ARK2N: variants seen among roughly 807,000 people sequenced by gnomAD.
ARK2N encodes the protein protein ARK2N.
At chr18:46,204,671 T>C in the ARK2N span, among the ~76,000 whole-genome samples, 2 of 152,212 alleles carry the variant, frequency 1.3e-5, no homozygotes, top group Non-Finnish European at 2.9e-5. Context: ...AATAAATAGA[T>C]GCAAGAATGC....
chr18:46,182,934 G>A, the ARK2N span, among the ~76,000 whole-genome samples: 1 of 151,960 alleles, frequency 6.6e-6, no homozygotes, highest in Admixed American at 6.6e-5. Context: ...TTTAAGTTCC[G>A]GGTAGGCCAA....
At chr18:46,192,047 A>G in the ARK2N span, among the ~76,000 whole-genome samples, 8 of 152,292 alleles carry the variant, frequency 5.3e-5, no homozygotes, top group South Asian at 8.3e-4. Flanking sequence ...CCATTCACCT[A>G]CTGAAGGATA....
chr18:46,249,014 T>TG, the ARK2N span, among the ~76,000 whole-genome samples: 1 of 152,204 alleles, frequency 6.6e-6, no homozygotes, highest in Non-Finnish European at 1.5e-5. Context: ...AGCTGTCCTT[T>TG]GCCAATGTCA....
chr18:46,228,935 C>T, the ARK2N span: 1 of 396,366 alleles, frequency 2.5e-6, no homozygotes, highest in Non-Finnish European at 4.4e-6. Context: ...AGGTGTTGAA[C>T]ACTAATAATT....
chr18:46,259,115 T>C, the ARK2N span, among the ~76,000 whole-genome samples: 1 of 152,206 alleles, frequency 6.6e-6, no homozygotes, highest in Non-Finnish European at 1.5e-5. Flanking sequence ...TAAATAATTT[T>C]TGTGAATATT....
the ARK2N span, among the ~76,000 whole-genome samples, chr18:46,258,383 A>T: frequency 6.6e-6 from 1 of 152,096 alleles, no homozygotes; most frequent in African/African-American, 2.4e-5. Context: ...AAATTGATTA[A>T]TTTTAATGTT....
At chr18:46,217,797 A>C in the ARK2N span, 1 of 152,114 alleles carries the variant, frequency 6.6e-6, no homozygotes. Flanking sequence ...TCTCTATTGG[A>C]TTCCTTTGCT....
chr18:46,245,813 C>T, the ARK2N span, among the ~76,000 whole-genome samples: 3 of 152,108 alleles, frequency 2.0e-5, no homozygotes, highest in Admixed American at 1.3e-4. Context: ...AAACTGTTTT[C>T]CATGATAATT....
At chr18:46,254,572 A>T in the ARK2N span, among the ~76,000 whole-genome samples, 74 of 152,308 alleles carry the variant, frequency 4.9e-4, no homozygotes, top group African/African-American at 1.8e-3. Context: ...GAAGACTGAT[A>T]CTTTGTGACA....
the ARK2N span, among the ~76,000 whole-genome samples, chr18:46,198,621 A>G: frequency 2.0e-5 from 3 of 151,744 alleles, no homozygotes. Context: ...CTTTTTTGAG[A>G]TGGAGTTTTG....
At chr18:46,184,637 A>G in the ARK2N span, among the ~76,000 whole-genome samples, 1 of 152,128 alleles carries the variant, frequency 6.6e-6, no homozygotes, top group Admixed American at 6.6e-5. Context: ...TGGGAGAATC[A>G]CCTGAGCCTA....
At chr18:46,196,885 T>C in the ARK2N span, among the ~76,000 whole-genome samples, 1 of 152,150 alleles carries the variant, frequency 6.6e-6, no homozygotes, top group Non-Finnish European at 1.5e-5. Context: ...TTCTTTCCAT[T>C]TGAACCTCTC....
the ARK2N span, among the ~76,000 whole-genome samples, chr18:46,248,315 A>C: frequency 6.6e-6 from 1 of 152,174 alleles, no homozygotes; most frequent in South Asian, 2.1e-4. Context: ...GGTGGAGAGA[A>C]AGTTCAGTGT....
the ARK2N span, among the ~76,000 whole-genome samples, chr18:46,193,604 T>G: frequency 6.0e-3 from 865 of 144,294 alleles, 21 homozygotes; most frequent in African/African-American, 0.021. Context: ...TTTTTTTTTT[T>G]TTTTTTTTTT....
At chr18:46,254,011 A>C in the ARK2N span, among the ~76,000 whole-genome samples, 1 of 152,236 alleles carries the variant, frequency 6.6e-6, no homozygotes, top group Non-Finnish European at 1.5e-5. Context: ...AGTGTGTTAT[A>C]TATTGTCTCA....
the ARK2N span, among the ~76,000 whole-genome samples, chr18:46,247,873 T>G: frequency 6.6e-6 from 1 of 152,238 alleles, no homozygotes; most frequent in Non-Finnish European, 1.5e-5. Context: ...GGTTTTGCCA[T>G]GTTGGCCAGG....
At chr18:46,246,680 C>T in the ARK2N span, among the ~76,000 whole-genome samples, 3 of 31,014 alleles carry the variant, frequency 9.7e-5, no homozygotes, top group African/African-American at 2.8e-4. Context: ...CGGAGGCTCA[C>T]ACCTGTAATC....
chr18:46,212,646 G>A, the ARK2N span, among the ~76,000 whole-genome samples: 3 of 151,950 alleles, frequency 2.0e-5, no homozygotes, highest in South Asian at 2.1e-4. Context: ...CTGCAATACC[G>A]GTTACTAATT....
the ARK2N span, among the ~76,000 whole-genome samples, chr18:46,183,745 C>G: frequency 6.6e-6 from 1 of 152,012 alleles, no homozygotes; most frequent in Non-Finnish European, 1.5e-5. Flanking sequence ...TCTGCATTGT[C>G]TATGCTGCAG....
Sources: allele counts gnomAD v4.1 joint callset (sites outside exome capture counted in the v4.1 genomes callset), GRCh38; gene constraint gnomAD v4.1.1; transcripts MANE v1.5; gene names NCBI Gene and HGNC (gene_info 2026-07-23, HGNC 2026-07-21).